RNF17: variants seen among roughly 807,000 people sequenced by gnomAD.
RNF17 encodes spermatogenesis associated 23.
RNF17 carries 31 observed loss-of-function variants against 200.5 expected under a neutral mutation model. That is an observed-to-expected ratio of 0.15 (90% CI 0.12 to 0.21). The LOEUF (loss-of-function observed/expected upper bound fraction) is 0.21. RNF17 is among the 10% of genes least tolerant of loss of function. The pLI, the probability that RNF17 is intolerant of heterozygous loss-of-function variation, is 1.00. For missense variants in RNF17, 1,628 were observed against 1,905.1 expected, an observed-to-expected ratio of 0.85 and a Z score of 2.71; for synonymous variants, 606 against 637.8, an observed-to-expected ratio of 0.95 and a Z score of 0.75.
intron 34 of RNF17, 80 bp from the exon 35 acceptor site, chr13:24,879,107 C>T (rs1895165672): frequency 5.9e-6 from 6 of 1,012,510 alleles, no homozygotes; most frequent in South Asian, 4.1e-5. Flanking sequence ...TTTTCACACC[C>T]GTGTGAATGG....
chr13:24,755,605 G>A, the RNF17 span, among the ~76,000 whole-genome samples: 2 of 152,116 alleles, frequency 1.3e-5, no homozygotes, highest in Non-Finnish European at 2.9e-5. Flanking sequence ...TAGAGTTTTG[G>A]AAAATACTTG....
intron 5 of RNF17, 91 bp from the exon 6 acceptor site, chr13:24,781,753 C>G: frequency 1.2e-6 from 1 of 815,076 alleles, no homozygotes. Context: ...TTTGAAGAGT[C>G]TAGAAAGTAC....
At chr13:24,799,964 G>A (rs1885048723) in intron 12 of RNF17, among the ~76,000 whole-genome samples, 1 of 152,070 alleles carries the variant, frequency 6.6e-6, no homozygotes, top group African/African-American at 2.4e-5. Context: ...ACTCACTGTA[G>A]GTATTTTAAA....
intron 6 of RNF17, 33 bp downstream of exon 6, chr13:24,781,977 C>T: frequency 1.5e-6 from 2 of 1,318,788 alleles, no homozygotes; most frequent in Non-Finnish European, 2.2e-6. Context: ...CTCAATGAAA[C>T]TGAAGTTTCT....
Position 24,800,223 on chromosome 13 carries a change from A to G in RNF17, c.1590-143A>G, listed in dbSNP as rs572688724. The G allele has an allele frequency of 5.9e-5, 32 of 540,438 alleles. No individual in the cohort carries two copies. The South Asian group carries it at 1.1e-3, about 18-fold the overall frequency. 33.5% of individuals were successfully genotyped at this position (540,438 alleles called of 1,614,324 possible). The stretch of plus-strand genomic sequence containing the variant: ...AAAAGCTAAACTAAGTCTATATAGT[A>G]AGAAAGTATTAATTTGGACTATAAC... On this transcript the variant is annotated intron_variant, in intron 12 of 35. Coordinates refer to ENST00000255324, the MANE Select transcript of RNF17 (RefSeq NM_031277.3).
rs566573886 is a variant in RNF17 at position 24,772,800 on chromosome 13, C to T, written c.226-2013C>T. 7.2e-4 allele frequency among the ~76,000 whole-genome samples: 109 copies of T among 151,996 alleles called. 1 individual carries two copies. The South Asian group carries it at 0.022, about 30-fold the overall frequency. ...TAATTTTTTGTATTTTTAGTAGAGACGGGGTTTCACCATGTTAGGCAGGAT... is the reference window on the plus strand; with the variant it reads ...TAATTTTTTGTATTTTTAGTAGAGATGGGGTTTCACCATGTTAGGCAGGAT... On this transcript the variant is annotated intron_variant, in intron 2 of 35. Transcript: ENST00000255324.
At position 24,780,696 on chromosome 13, in the gene RNF17, A is replaced by G. The variant is rs527800619; in HGVS notation, c.510+949A>G. 3.3e-5 allele frequency among the ~76,000 whole-genome samples: 5 copies of G among 152,302 alleles called. No homozygotes were observed. The South Asian group carries it at 1.0e-3, about 32-fold the overall frequency. On this transcript the variant is annotated intron_variant, in intron 5 of 35. Coordinates refer to ENST00000255324, the MANE Select transcript of RNF17 (RefSeq NM_031277.3). ...CAGGAGTTCAAAACCAGCCTTGTCA[A>G]CATGGCTAAACCCCATCTCTATTAA...
the RNF17 span, chr13:24,885,449 TATAGGGTTCTAGGACTAGTGTTTACAAA>T: frequency 7.9e-7 from 1 of 1,260,724 alleles, no homozygotes; most frequent in South Asian, 1.2e-5. Context: ...CAGATTCTGA[TATAGGGTTCTAGGACTAGTGTTTACAAA>T]ATATAACATT....
At chr13:24,812,345 C>G (rs951665152) in intron 15 of RNF17, among the ~76,000 whole-genome samples, 1 of 151,060 alleles carries the variant, frequency 6.6e-6, no homozygotes, top group East Asian at 2.0e-4. Context: ...AATCTCCTGG[C>G]GCGCCATTTT....
Position 24,842,054 on chromosome 13 carries a change from T to C in RNF17, c.2496T>C (p.Asp832=). Residue 832 remains aspartate, a synonymous_variant, in exon 19 of 36, where the codon GAT becomes GAC. Transcript: ENST00000255324. ...ATGGTTTTACAGAAATTCTGGAAGA[T>C]AATGTGCTCTTAGTTGAGCTTTTCG... ...MTCSVIKILE[D]NVLLVELFDS... 6.2e-7 allele frequency: 1 copy of C among 1,607,980 alleles called. No homozygotes were observed. The highest frequency in any genetic ancestry group is 8.5e-7 in the Non-Finnish European group (1 of 1,178,010).
intron 18 of RNF17, among the ~76,000 whole-genome samples, chr13:24,835,525 C>T (rs563057121): frequency 1.3e-5 from 2 of 152,244 alleles, no homozygotes; most frequent in Admixed American, 6.5e-5. Flanking sequence ...CCAGTACCAG[C>T]GCAGAACCAG....
upstream of RNF17, among the ~76,000 whole-genome samples, chr13:24,763,973 A>G (rs1879145277): frequency 6.6e-6 from 1 of 152,236 alleles, no homozygotes. Flanking sequence ...CTTTGGGTAG[A>G]ACGTAAAAAC....
intron 26 of RNF17, 88 bp from the exon 27 acceptor site, chr13:24,861,180 G>A (rs750406410): frequency 4.5e-5 from 52 of 1,162,832 alleles, no homozygotes; most frequent in Non-Finnish European, 5.5e-5. Context: ...AGCCCGGCCT[G>A]TCTTTTTTTC....
At chr13:24,788,544 A>T (rs2137616683) in intron 7 of RNF17, among the ~76,000 whole-genome samples, 1 of 152,222 alleles carries the variant, frequency 6.6e-6, no homozygotes, top group Admixed American at 6.5e-5. Context: ...TTGTTCACAT[A>T]AACAATTTAG....
chr13:24,850,992 C>G (rs1352892282), intron 23 of RNF17, among the ~76,000 whole-genome samples: 2 of 152,244 alleles, frequency 1.3e-5, no homozygotes, highest in Non-Finnish European at 2.9e-5. Context: ...CCACTCTCTT[C>G]CATGCTGTTT....
chr13:24,861,465 T>C, intron 27 of RNF17, 78 bp downstream of exon 27: 1 of 1,058,194 alleles, frequency 9.5e-7, no homozygotes, highest in Non-Finnish European at 1.3e-6. Flanking sequence ...ATATTTAGAA[T>C]GTAAAATGAA....
intron 28 of RNF17, among the ~76,000 whole-genome samples, chr13:24,863,875 T>G (rs973117915): frequency 2.6e-5 from 4 of 152,196 alleles, no homozygotes; most frequent in African/African-American, 9.7e-5. Flanking sequence ...TTGCCCAGAC[T>G]CACTCCTCTC....
intron 15 of RNF17, among the ~76,000 whole-genome samples, chr13:24,821,963 G>A (rs1354474590): frequency 2.0e-5 from 3 of 152,192 alleles, no homozygotes; most frequent in Non-Finnish European, 4.4e-5. Context: ...GCAGAAGAAA[G>A]AGAAAGGAGA....
chr13:24,839,400 G>A (rs1890370713), intron 18 of RNF17, among the ~76,000 whole-genome samples: 1 of 151,992 alleles, frequency 6.6e-6, no homozygotes, highest in Non-Finnish European at 1.5e-5. Context: ...AATTCATATA[G>A]AACCAAAAAA....
Sources: gnomAD v4.1 joint callset for allele counts (sites outside exome capture counted in the v4.1 genomes callset) on GRCh38, gnomAD v4.1.1 for gene constraint, MANE v1.5 for transcripts, NCBI Gene and HGNC (gene_info 2026-07-23, HGNC 2026-07-21) for gene names.